MTERF3: variants seen among roughly 807,000 people sequenced by gnomAD.
The protein encoded by MTERF3 is mitochondrial transcription termination factor 3.
MTERF3 carries 40 observed loss-of-function variants against 40.5 expected under a neutral mutation model. That is an observed-to-expected ratio of 0.99 (90% CI 0.77 to 1.29). The LOEUF is 1.29. Ranked by LOEUF, MTERF3 falls within the 50% of genes most tolerant of loss-of-function variation. The pLI is 0.00. For missense variants in MTERF3, 452 were observed against 478.2 expected, an observed-to-expected ratio of 0.95 and a Z score of 0.51; for synonymous variants, 158 against 166.6, an observed-to-expected ratio of 0.95 and a Z score of 0.40.
chr8:96,256,880 T>A, intron 3 of MTERF3, 82 bp downstream of exon 3: 1 of 1,311,440 alleles, frequency 7.6e-7, no homozygotes, highest in Non-Finnish European at 1.0e-6. Flanking sequence ...CTACTTAGTA[T>A]AGATTAAATT....
intron 2 of MTERF3, among the ~76,000 whole-genome samples, chr8:96,257,944 G>A (rs1303990603): frequency 6.6e-6 from 1 of 152,172 alleles, no homozygotes; most frequent in African/African-American, 2.4e-5. Context: ...ACTCTGTGGA[G>A]TTAATATAAT....
At position 96,261,560 on chromosome 8, in the gene MTERF3, G is replaced by C. The variant is rs1309099434; in HGVS notation, c.-70C>G. The stretch of plus-strand genomic sequence containing the variant: ...CCGGGACCGACCAACTCGCTGGGCC[G>C]CACGTCCCGTCCCGCCGCGCCGCAC... On this transcript the variant is annotated 5_prime_UTR_variant, in exon 1 of 8. Transcript: ENST00000287025. The C allele has an allele frequency of 1.3e-5, 2 of 154,426 alleles. No individual in the cohort carries two copies. The highest frequency in any genetic ancestry group is 2.9e-5 in the Non-Finnish European group (2 of 69,496). 9.6% of individuals were successfully genotyped at this position (154,426 alleles called of 1,614,324 possible).
chr8:96,249,546 G>A (rs1810085169), intron 4 of MTERF3, among the ~76,000 whole-genome samples: 1 of 152,086 alleles, frequency 6.6e-6, no homozygotes, highest in African/African-American at 2.4e-5. Flanking sequence ...ACATATAGAA[G>A]GGCTCAAATG....
At chr8:96,252,873 G>A (rs947527877) in intron 3 of MTERF3, among the ~76,000 whole-genome samples, 1 of 152,178 alleles carries the variant, frequency 6.6e-6, no homozygotes, top group African/African-American at 2.4e-5. Flanking sequence ...AACAGCAGTA[G>A]GAGAGCAGAA....
intron 2 of MTERF3, among the ~76,000 whole-genome samples, chr8:96,257,483 A>G (rs995547226): frequency 6.6e-6 from 1 of 152,192 alleles, no homozygotes; most frequent in Admixed American, 6.5e-5. Context: ...AACAGTCTGA[A>G]TTGCATGGAT....
intron 1 of MTERF3, 78 bp from the exon 2 acceptor site, chr8:96,258,778 A>G: frequency 9.2e-7 from 1 of 1,092,552 alleles, no homozygotes; most frequent in Non-Finnish European, 1.3e-6. Flanking sequence ...TCAAACAACA[A>G]AAAGATAAAC....
At chr8:96,245,058 C>T (rs191782757) in intron 6 of MTERF3, among the ~76,000 whole-genome samples, 27 of 152,310 alleles carry the variant, frequency 1.8e-4, no homozygotes. Flanking sequence ...CAACCAAACA[C>T]AGGCCGGGTC....
chr8:96,240,510 T>C (rs1809907060), intron 7 of MTERF3, among the ~76,000 whole-genome samples: 1 of 152,210 alleles, frequency 6.6e-6, no homozygotes, highest in East Asian at 1.9e-4. Context: ...GAATCTGACC[T>C]CTGGGAGAGC....
intron 3 of MTERF3, among the ~76,000 whole-genome samples, chr8:96,253,733 C>T (rs189704295): frequency 2.6e-5 from 4 of 151,914 alleles, no homozygotes; most frequent in African/African-American, 7.2e-5. Flanking sequence ...AGGCCAGGCA[C>T]GGTGGCTCAT....
intron 7 of MTERF3, 122 bp downstream of exon 7, chr8:96,243,797 G>A: frequency 9.6e-7 from 1 of 1,039,544 alleles, no homozygotes; most frequent in Non-Finnish European, 1.4e-6. Context: ...CTCCTCAGGA[G>A]ATGGACATTT....
At position 96,246,716 on chromosome 8, in the gene MTERF3, G is replaced by A. The variant is rs537714104; in HGVS notation, c.678-262C>T. On this transcript the variant is annotated intron_variant, in intron 4 of 7. Coordinates refer to ENST00000287025, the MANE Select transcript of MTERF3 (RefSeq NM_015942.5). The stretch of plus-strand genomic sequence containing the variant: ...AATCCACTAATAGGTATTAGTTGCG[G>A]TTTTTGCCATTACTTTCAATAGCAA... 5.3e-5 allele frequency among the ~76,000 whole-genome samples: 8 copies of A among 152,164 alleles called. No homozygotes were observed. In the South Asian group the frequency reaches 8.3e-4, roughly 16 times the overall value.
At chr8:96,257,897 G>A (rs1488336936) in intron 2 of MTERF3, among the ~76,000 whole-genome samples, 1 of 152,150 alleles carries the variant, frequency 6.6e-6, no homozygotes, top group Non-Finnish European at 1.5e-5. Context: ...AGGACCCATA[G>A]GAAGGAGAGG....
At chr8:96,244,357 C>G (rs1036055063) in intron 6 of MTERF3, among the ~76,000 whole-genome samples, 1 of 152,070 alleles carries the variant, frequency 6.6e-6, no homozygotes, top group Non-Finnish European at 1.5e-5. Flanking sequence ...GATCCACCCA[C>G]CTTGGCCTCC....
At chr8:96,243,053 G>T (rs180989496) in intron 7 of MTERF3, among the ~76,000 whole-genome samples, 44 of 152,294 alleles carry the variant, frequency 2.9e-4, no homozygotes, top group Admixed American at 2.7e-3. Flanking sequence ...TATATTAGAG[G>T]CCCGTTCCTA....
At chr8:96,249,863 T>A (rs1038461398) in intron 4 of MTERF3, among the ~76,000 whole-genome samples, 1 of 152,164 alleles carries the variant, frequency 6.6e-6, no homozygotes, top group African/African-American at 2.4e-5. Context: ...TAGATGTAGA[T>A]GATAAAAGAA....
chr8:96,259,900 T>C, intron 1 of MTERF3, among the ~76,000 whole-genome samples: 1 of 151,436 alleles, frequency 6.6e-6, no homozygotes, highest in Non-Finnish European at 1.5e-5. Flanking sequence ...TATTTATTAT[T>C]ATTATTATTA....
chr8:96,257,261 C>A, intron 2 of MTERF3, 147 bp from the exon 3 acceptor site: 1 of 750,006 alleles, frequency 1.3e-6, no homozygotes, highest in Admixed American at 3.4e-5. Flanking sequence ...AATTTTTCAC[C>A]TTTTAAGAGG....
chr8:96,242,283 T>G (rs1388728989), intron 7 of MTERF3, among the ~76,000 whole-genome samples: 1 of 152,200 alleles, frequency 6.6e-6, no homozygotes, highest in Non-Finnish European at 1.5e-5. Context: ...CAACAGAGCT[T>G]CTCTGAGGCA....
chr8:96,250,634 A>AGAAGAAGAAGAG (rs1810140424), intron 4 of MTERF3, among the ~76,000 whole-genome samples: 2 of 24,358 alleles, frequency 8.2e-5, no homozygotes, highest in Non-Finnish European at 1.9e-4. Context: ...AAGAAGAAGA[A>AGAAGAAGAAGAG]GAAGAAGAAG....
Sources: allele counts gnomAD v4.1 joint callset (sites outside exome capture counted in the v4.1 genomes callset), GRCh38; gene constraint gnomAD v4.1.1; transcripts MANE v1.5; gene names NCBI Gene and HGNC (gene_info 2026-07-23, HGNC 2026-07-21).